The following NELL1 variants were observed in gnomAD, a reference collection of about 807,000 sequenced individuals.
The protein encoded by NELL1 is neural EGFL like 1.
NELL1 carries 76 observed loss-of-function variants against 107.4 expected under a neutral mutation model. The observed-to-expected ratio is 0.71, with a 90% CI of 0.59 to 0.86. NELL1 has a LOEUF of 0.86. Ranked by LOEUF, NELL1 falls within the 40% of genes least tolerant of loss-of-function variation. The pLI, the probability that NELL1 is intolerant of heterozygous loss-of-function variation, is 0.00. For synonymous variants in NELL1, 353 were observed against 341.2 expected, an observed-to-expected ratio of 1.03 and a Z score of -0.38; for missense variants, 1,024 against 1,005.5, an observed-to-expected ratio of 1.02 and a Z score of -0.25.
At chr11:21,064,386 T>C (rs941309545) in intron 12 of NELL1, among the ~76,000 whole-genome samples, 2 of 152,158 alleles carry the variant, frequency 1.3e-5, no homozygotes, top group Middle Eastern at 3.2e-3. Flanking sequence ...AGCGAGATGA[T>C]AGTAGTTCAG....
intron 12 of NELL1, among the ~76,000 whole-genome samples, chr11:21,099,909 A>G (rs1195071024): frequency 2.6e-5 from 4 of 152,198 alleles, no homozygotes; most frequent in African/African-American, 9.6e-5. Context: ...TATAACTCAC[A>G]TACTAGGCAA....
At chr11:21,012,274 C>T (rs536701172) in intron 12 of NELL1, among the ~76,000 whole-genome samples, 4 of 152,130 alleles carry the variant, frequency 2.6e-5, no homozygotes, top group Admixed American at 1.3e-4. Context: ...ACCTTGAGAG[C>T]ATATGTTAGA....
chr11:21,198,825 T>C (rs79470897), intron 13 of NELL1, among the ~76,000 whole-genome samples: 9,817 of 152,172 alleles, frequency 0.065, 399 homozygotes, highest in Non-Finnish European at 0.095. Flanking sequence ...TCATGAAGGG[T>C]CACTTCCTCC....
At chr11:20,697,735 G>C (rs561276643) in intron 2 of NELL1, among the ~76,000 whole-genome samples, 328 of 152,252 alleles carry the variant, frequency 2.2e-3, no homozygotes, top group Admixed American at 3.5e-3. Flanking sequence ...AGTCTTAAGA[G>C]TGTTCAAGAA....
chr11:21,497,991 C>T (rs113987552), intron 15 of NELL1, among the ~76,000 whole-genome samples: 1,953 of 151,890 alleles, frequency 0.013, 43 homozygotes, highest in African/African-American at 0.043. Context: ...CTTTGCATTC[C>T]CTGATACATT....
At chr11:20,896,638 G>A (rs1233930050) in intron 5 of NELL1, among the ~76,000 whole-genome samples, 3 of 152,086 alleles carry the variant, frequency 2.0e-5, no homozygotes, top group Non-Finnish European at 4.4e-5. Context: ...GTTTGCAGAC[G>A]ACATGATTGT....
Position 20,728,605 on chromosome 11 carries a change from A to G in NELL1, c.184+50545A>G, listed in dbSNP as rs144979593. Among the ~76,000 whole-genome samples the G allele has an allele frequency of 6.2e-3, 948 of 151,932 alleles. 7 individuals are homozygous for G. Among genetic ancestry groups the G allele is most frequent in the African/African-American group, 0.022 (905 of 41,430 alleles). On this transcript the variant is annotated intron_variant, in intron 2 of 19. Coordinates refer to ENST00000357134, the MANE Select transcript of NELL1 (RefSeq NM_006157.5). ...TTATTTTTTTTTTTCAACTTTGTTA[A>G]TAATTAGATGGCTGTAGATTTGTGG...
At chr11:20,702,422 G>C (rs1487700142) in intron 2 of NELL1, among the ~76,000 whole-genome samples, 4 of 152,036 alleles carry the variant, frequency 2.6e-5, no homozygotes, top group South Asian at 2.1e-4. Context: ...GAGACAATGG[G>C]GTTTTCTAAA....
At position 21,330,314 on chromosome 11, in the gene NELL1, G is replaced by A. The variant is rs145824175; in HGVS notation, c.1550-40539G>A. 1.1e-4 allele frequency among the ~76,000 whole-genome samples: 17 copies of A among 152,106 alleles called. No homozygotes were observed. The East Asian group carries it at 2.7e-3, about 24-fold the overall frequency. ...AAAAATTGCTTAATTACCTTTACTTGTGCTTCTCCTCCCTCACACCATGTG... is the reference window on the plus strand; with the variant it reads ...AAAAATTGCTTAATTACCTTTACTTATGCTTCTCCTCCCTCACACCATGTG... On this transcript the variant is annotated intron_variant, in intron 14 of 19. Transcript: ENST00000357134.
At chr11:21,329,611 C>A (rs961370639) in intron 14 of NELL1, among the ~76,000 whole-genome samples, 1 of 152,092 alleles carries the variant, frequency 6.6e-6, no homozygotes, top group Non-Finnish European at 1.5e-5. Flanking sequence ...AATTATCCTT[C>A]TTTTTAAACC....
At chr11:21,531,587 G>A (rs1330326779) in intron 15 of NELL1, among the ~76,000 whole-genome samples, 1 of 152,186 alleles carries the variant, frequency 6.6e-6, no homozygotes, top group African/African-American at 2.4e-5. Flanking sequence ...ATTAAACTGA[G>A]ATTTAAACAA....
intron 14 of NELL1, among the ~76,000 whole-genome samples, chr11:21,355,297 A>T (rs1850906942): frequency 6.6e-6 from 1 of 152,170 alleles, no homozygotes; most frequent in Non-Finnish European, 1.5e-5. Flanking sequence ...TTGAGAAGAA[A>T]ATTCTCTGCT....
intron 2 of NELL1, among the ~76,000 whole-genome samples, chr11:20,749,222 G>A (rs1856078509): frequency 6.6e-6 from 1 of 152,132 alleles, no homozygotes; most frequent in African/African-American, 2.4e-5. Context: ...GTGAACAGCT[G>A]GGACTATGGC....
At chr11:21,490,800 C>A (rs1253541971) in intron 15 of NELL1, among the ~76,000 whole-genome samples, 1 of 151,982 alleles carries the variant, frequency 6.6e-6, no homozygotes, top group Non-Finnish European at 1.5e-5. Flanking sequence ...AAAATAAACT[C>A]AAGATCAATT....
chr11:20,857,756 A>G (rs1848910034), intron 4 of NELL1, among the ~76,000 whole-genome samples: 2 of 152,204 alleles, frequency 1.3e-5, no homozygotes, highest in Non-Finnish European at 2.9e-5. Context: ...TCTTTCTGGC[A>G]GCCAGCAGGC....
intron 10 of NELL1, among the ~76,000 whole-genome samples, chr11:20,940,329 G>A (rs142207117): frequency 0.04 from 6,027 of 151,556 alleles, 289 homozygotes; most frequent in East Asian, 0.14. Flanking sequence ...GCACAATCTC[G>A]GCTCACTGCA....
intron 1 of NELL1, among the ~76,000 whole-genome samples, chr11:20,673,403 C>A (rs1397759243): frequency 6.6e-6 from 1 of 152,146 alleles, no homozygotes; most frequent in Non-Finnish European, 1.5e-5. Flanking sequence ...GCTCTTGGAG[C>A]ATTTTTTTAG....
intron 14 of NELL1, among the ~76,000 whole-genome samples, chr11:21,251,129 G>T (rs894232032): frequency 6.6e-5 from 10 of 152,100 alleles, no homozygotes; most frequent in African/African-American, 2.4e-4. Flanking sequence ...GAGATATACT[G>T]AGACTTTAAG....
chr11:21,450,642 C>G (rs1285139435), intron 15 of NELL1, among the ~76,000 whole-genome samples: 1 of 152,114 alleles, frequency 6.6e-6, no homozygotes, highest in Non-Finnish European at 1.5e-5. Flanking sequence ...AGATTTCTTC[C>G]TGAAACATCA....
Sources: gnomAD v4.1 joint callset for allele counts (sites outside exome capture counted in the v4.1 genomes callset) on GRCh38, gnomAD v4.1.1 for gene constraint, MANE v1.5 for transcripts, NCBI Gene and HGNC (gene_info 2026-07-23, HGNC 2026-07-21) for gene names.